ARMC5: variants seen among roughly 807,000 people sequenced by gnomAD.
ARMC5 encodes the protein armadillo repeat containing 5.
Under a neutral mutation model 60.5 loss-of-function variants are expected in ARMC5, and 28 were observed. That is an observed-to-expected ratio of 0.46 (90% CI 0.34 to 0.63). The LOEUF (loss-of-function observed/expected upper bound fraction) is 0.63, where lower values mean the gene tolerates loss of function less well. ARMC5 is among the 30% of genes least tolerant of loss of function. The pLI is 0.01. For missense variants in ARMC5, 1,189 were observed against 1,304.9 expected (o/e 0.91, Z 1.37); for synonymous variants, 680 against 607.3 (o/e 1.12, Z -1.76).
rs573753838 is a variant in ARMC5 at position 31,466,361 on chromosome 16, C to T, written c.2280C>T (p.Leu760=). ...LHFLLDSGLQ[L]PAQRAASATA... is the part of the protein sequence containing the mutation. ...TCCTGCTGGACTCAGGCCTCCAGCT[C>T]CCTGCCCAGCGAGCGGCCTCAGCCA... The change falls in exon 6 of 6, where the codon CTC becomes CTT. Residue 760 remains leucine (L), a synonymous_variant. Transcript: ENST00000268314. The surrounding 1 kb of genome is among the most constrained non-coding windows in gnomAD (Gnocchi z 8.0). The T allele has an allele frequency of 1.9e-6, 3 of 1,613,340 alleles. No homozygotes were observed. Among genetic ancestry groups the T allele is most frequent in the South Asian group, 1.1e-5 (1 of 91,078 alleles).
In ARMC5 at chr16:31,465,870, C is replaced by T. The variant is rs778930011; in HGVS notation, c.1885C>T (p.Leu629=). 1 of 1,609,694 alleles carries T rather than the reference C, an allele frequency of 6.2e-7. No homozygotes were observed. The highest frequency in any genetic ancestry group is 8.5e-7 in the Non-Finnish European group (1 of 1,179,850). The change falls in exon 5 of 6, where the codon CTG becomes TTG. Residue 629 remains leucine, a synonymous_variant. Coordinates refer to ENST00000268314, the MANE Select transcript of ARMC5 (RefSeq NM_001105247.2). The part of the protein sequence containing the change: ...RELGERLLQN[L]TVQAESPFGV... ...CACAGGGGAGAGGCTACTGCAGAAC[C>T]TGACGGTTCAGGCTGAGTCGCCCTT...
upstream of ARMC5, chr16:31,458,726 G>C (rs1204928492): frequency 6.8e-7 from 1 of 1,470,124 alleles, no homozygotes. Context: ...TCGCAATCCA[G>C]GGGTGACCTG....
Position 31,464,850 on chromosome 16 carries a change from T to A in ARMC5, c.1827T>A (p.Arg609=), listed in dbSNP as rs2082338740. The part of the protein sequence containing the change: ...GVAPDDWPAP[R]ARPTLHSRHR... Reference sequence around the variant, plus strand: ...CGCCTGACGATTGGCCGGCACCACGTGCCCGGCCCACTCTCCACAGCCGGC... The same window carrying A: ...CGCCTGACGATTGGCCGGCACCACGAGCCCGGCCCACTCTCCACAGCCGGC... Residue 609 remains arginine (R), a synonymous_variant, in exon 4 of 6, where the codon CGT becomes CGA. Coordinates refer to ENST00000268314, the MANE Select transcript of ARMC5 (RefSeq NM_001105247.2). The surrounding 1 kb of genome is among the most constrained non-coding windows in gnomAD (Gnocchi z 7.6). 6.3e-7 allele frequency: 1 copy of A among 1,598,692 alleles called. No homozygotes were observed. The highest frequency in any genetic ancestry group is 1.7e-5 in the Admixed American group (1 of 59,816).
rs1273504264 is a variant in ARMC5 at position 31,459,739 on chromosome 16, C to A, written c.215C>A (p.Ala72Glu). 3 of 1,548,576 alleles carry A rather than the reference C, an allele frequency of 1.9e-6. No individual in the cohort carries two copies. Among genetic ancestry groups the A allele is most frequent in the African/African-American group, 1.4e-5 (1 of 71,386 alleles). The stretch of plus-strand genomic sequence containing the variant: ...CGCGGCGGGCTCCGCCCCCTACTCG[C>A]GCTGCTACGGCGAGCGGCTGCAGCG... ...RARGGLRPLL[A>E]LLRRAAAAGS... is the part of the protein sequence containing the mutation. The change falls in exon 1 of 6, where the codon GCG (alanine) becomes GAG (glutamate). Residue 72 changes from alanine to glutamate, a missense_variant. Ala to Glu is a moderately radical substitution (Grantham distance 107). Coordinates refer to ENST00000268314, the MANE Select transcript of ARMC5 (RefSeq NM_001105247.2).
chr16:31,464,705 C>T lies in ARMC5; in HGVS notation c.1682C>T (p.Pro561Leu), dbSNP rs770381923. 38 of 1,598,606 alleles carry T rather than the reference C, an allele frequency of 2.4e-5. No homozygotes were observed. The highest frequency in any genetic ancestry group is 3.3e-4 in the Middle Eastern group (2 of 6,076). ...ACCTATGTGACCGGCGCACCGGGCCCGCCCAGCCCACGTGCACTGCGCATT... is the reference window on the plus strand; with the variant it reads ...ACCTATGTGACCGGCGCACCGGGCCTGCCCAGCCCACGTGCACTGCGCATT... ...LLTYVTGAPGPPSPRALRILS... is the reference protein window; with the variant it reads ...LLTYVTGAPGLPSPRALRILS... The change falls in exon 4 of 6, where the codon CCG (proline) becomes CTG (leucine). Residue 561 changes from proline (P) to leucine (L), a missense_variant. Transcript: ENST00000268314. This position sits in a 1 kb window ranked among gnomAD's most constrained non-coding sequence, Gnocchi z 7.6.
chr16:31,458,500 C>T, upstream of ARMC5: 1 of 1,535,676 alleles, frequency 6.5e-7, no homozygotes, highest in East Asian at 2.4e-5. Flanking sequence ...ACCCGGACAA[C>T]GGTAAGGCTT....
upstream of ARMC5, chr16:31,458,893 G>A (rs556653862): frequency 2.1e-5 from 32 of 1,535,660 alleles, no homozygotes; most frequent in African/African-American, 4.1e-4. Flanking sequence ...CAGAGCGGAG[G>A]ACACTCGGGA....
chr16:31,458,860 G>C, upstream of ARMC5: 2 of 1,535,318 alleles, frequency 1.3e-6, no homozygotes, highest in East Asian at 2.4e-5. Context: ...CTAGATGCCA[G>C]CTCCTGAGCT....
chr16:31,462,194 T>C lies in ARMC5; in HGVS notation c.647T>C (p.Val216Ala). 1 of 1,612,074 alleles carries C rather than the reference T, an allele frequency of 6.2e-7. No individual in the cohort carries two copies. The highest frequency in any genetic ancestry group is 8.5e-7 in the Non-Finnish European group (1 of 1,180,004). ...ACQDSQCLQS[V>A]VRALRNLADS... ...CAGGACTCGCAGTGCCTACAGAGCG[T>C]GGTGCGTGCCCTCCGTAACCTGGCA... The change falls in exon 3 of 6, where the codon GTG (valine) becomes GCG (alanine). Residue 216 changes from valine (V) to alanine (A), a missense_variant. This residue lies in a region of ARMC5 where 862 missense variants were observed against 1,071.2 expected (regional missense o/e 0.80). Coordinates refer to ENST00000268314, the MANE Select transcript of ARMC5 (RefSeq NM_001105247.2). The surrounding 1 kb of genome is among the most constrained non-coding windows in gnomAD (Gnocchi z 7.2).
chr16:31,459,059 C>T (rs1263564739), upstream of ARMC5: 1 of 1,502,878 alleles, frequency 6.7e-7, no homozygotes, highest in African/African-American at 1.4e-5. Flanking sequence ...TTCGGCCCGG[C>T]TCGGGGTTCT....
chr16:31,458,716 T>A, upstream of ARMC5: 1 of 1,456,988 alleles, frequency 6.9e-7, no homozygotes, highest in South Asian at 1.4e-5. Flanking sequence ...CGGAGCCACC[T>A]CGCAATCCAG....
At position 31,461,945 on chromosome 16, in the gene ARMC5, A is replaced by G. The variant is rs1596602098; in HGVS notation, c.499A>G (p.Thr167Ala). The G allele has an allele frequency of 1.2e-6, 2 of 1,614,210 alleles. No individual in the cohort carries two copies. Among genetic ancestry groups the G allele is most frequent in the Middle Eastern group, 3.3e-4 (2 of 6,062 alleles). The change falls in exon 2 of 6, where the codon ACA (threonine) becomes GCA (alanine). Residue 167 changes from threonine to alanine, a missense_variant. This residue lies in a region of ARMC5 where 862 missense variants were observed against 1,071.2 expected (regional missense o/e 0.80). Coordinates refer to ENST00000268314, the MANE Select transcript of ARMC5 (RefSeq NM_001105247.2). Reference protein sequence around the residue: ...PLVTILQCMKTDSIQNRTARA... With the variant: ...PLVTILQCMKADSIQNRTARA... Reference sequence around the variant, plus strand: ...AGTGACCATTCTTCAGTGCATGAAGACAGACAGCATCCAGAACCGAACGGC... The same window carrying G: ...AGTGACCATTCTTCAGTGCATGAAGGCAGACAGCATCCAGAACCGAACGGC...
At position 31,462,095 on chromosome 16, in the gene ARMC5, T is replaced by A; in HGVS notation, c.584-36T>A. 6.2e-7 allele frequency: 1 copy of A among 1,613,054 alleles called. No homozygotes were observed. Among genetic ancestry groups the A allele is most frequent in the Non-Finnish European group, 8.5e-7 (1 of 1,179,340 alleles). Reference sequence around the variant, plus strand: ...AGAAGAAAGGCTTGAGTGTCTGTCCTTGTTCACCCTCTGTGCTCCCCTTTC... The same window carrying A: ...AGAAGAAAGGCTTGAGTGTCTGTCCATGTTCACCCTCTGTGCTCCCCTTTC... On this transcript the variant is annotated intron_variant, in intron 2 of 5. Coordinates refer to ENST00000268314, the MANE Select transcript of ARMC5 (RefSeq NM_001105247.2). The surrounding 1 kb of genome is among the most constrained non-coding windows in gnomAD (Gnocchi z 7.2).
Position 31,466,372 on chromosome 16 carries a change from G to A in ARMC5, c.2291G>A (p.Arg764Gln), listed in dbSNP as rs267604528. The A allele has an allele frequency of 3.7e-6, 6 of 1,612,924 alleles. No homozygotes were observed. Among genetic ancestry groups the A allele is most frequent in the South Asian group, 2.2e-5 (2 of 91,070 alleles). Residue 764 changes from arginine to glutamine, a missense_variant, in exon 6 of 6, where the codon CGA (arginine) becomes CAA (glutamine). Arg to Gln is a conservative substitution (Grantham distance 43). Around this residue, in one of 2 missense-constraint regions of ARMC5, gnomAD observed 862 missense variants for 1,071.2 expected, o/e 0.80. Transcript: ENST00000268314. This position sits in a 1 kb window ranked among gnomAD's most constrained non-coding sequence, Gnocchi z 8.0. ...TCAGGCCTCCAGCTCCCTGCCCAGC[G>A]AGCGGCCTCAGCCACCGCCTCCCCT... Reference protein sequence around the residue: ...LDSGLQLPAQRAASATASPFF... With the variant: ...LDSGLQLPAQQAASATASPFF...
In ARMC5 at chr16:31,464,254, C is replaced by A; in HGVS notation, c.1371-140C>A. 1.4e-6 allele frequency: 1 copy of A among 708,418 alleles called. No individual in the cohort carries two copies. Among genetic ancestry groups the A allele is most frequent in the Non-Finnish European group, 2.1e-6 (1 of 480,518 alleles). The allele number at this position is 708,418 out of a possible 1,614,324, so 43.9% of individuals were successfully genotyped here. A position where few individuals can be genotyped will look rare whatever the true frequency, so the allele number is the denominator to read the frequency against. On this transcript the variant is annotated intron_variant, in intron 3 of 5. Coordinates refer to ENST00000268314, the MANE Select transcript of ARMC5 (RefSeq NM_001105247.2). This position sits in a 1 kb window ranked among gnomAD's most constrained non-coding sequence, Gnocchi z 7.6. ...GCAGTGAGCTAGGATCCCACAACTGCATTCCAGCCTGGGCTATAGAGGGAT... is the reference window on the plus strand; with the variant it reads ...GCAGTGAGCTAGGATCCCACAACTGAATTCCAGCCTGGGCTATAGAGGGAT...
Position 31,466,407 on chromosome 16 carries a change from G to A in ARMC5, c.2326G>A (p.Ala776Thr), listed in dbSNP as rs190720368. The change falls in exon 6 of 6, where the codon GCC becomes ACC. Residue 776 changes from alanine to threonine, a missense_variant. Transcript: ENST00000268314. This position sits in a 1 kb window ranked among gnomAD's most constrained non-coding sequence, Gnocchi z 8.0. ...ASATASPFFR[A>T]LLSGSFAEAQ... ...AGCCACCGCCTCCCCTTTCTTCCGGGCCCTGCTGTCAGGCAGCTTTGCAGA... is the reference window on the plus strand; with the variant it reads ...AGCCACCGCCTCCCCTTTCTTCCGGACCCTGCTGTCAGGCAGCTTTGCAGA... 208 of 1,612,218 alleles carry A rather than the reference G, an allele frequency of 1.3e-4. 3 individuals carry two copies. The East Asian group carries it at 2.2e-3, about 17-fold the overall frequency.
intron 3 of ARMC5, among the ~76,000 whole-genome samples, chr16:31,463,708 C>G (rs957610689): frequency 1.3e-5 from 2 of 152,062 alleles, no homozygotes; most frequent in African/African-American, 2.4e-5. Flanking sequence ...ATGCCCAGCC[C>G]CCAGCGCTTC....
chr16:31,464,330 T>A lies in ARMC5; in HGVS notation c.1371-64T>A. The A allele has an allele frequency of 1.2e-4, 108 of 875,292 alleles. No homozygotes were observed. Among genetic ancestry groups the A allele is most frequent in the Middle Eastern group, 2.7e-4 (1 of 3,664 alleles). 54.2% of individuals were successfully genotyped at this position (875,292 alleles called of 1,614,324 possible). A position where few individuals can be genotyped will look rare whatever the true frequency, so the allele number is the denominator to read the frequency against. On this transcript the variant is annotated intron_variant, in intron 3 of 5. Coordinates refer to ENST00000268314, the MANE Select transcript of ARMC5 (RefSeq NM_001105247.2). The surrounding 1 kb of genome is among the most constrained non-coding windows in gnomAD (Gnocchi z 7.6). ...AAAAAAAAAAAAGACGCCTCACGCC[T>A]CTTGGACTCTGCCCCTTAACCTTGG...
chr16:31,462,542 G>A lies in ARMC5; in HGVS notation c.995G>A (p.Arg332Gln), dbSNP rs1037784138. The change falls in exon 3 of 6, where the codon CGG becomes CAG. Residue 332 changes from arginine (R) to glutamine (Q), a missense_variant. Arg to Gln is a conservative substitution (Grantham distance 43, BLOSUM62 1). Coordinates refer to ENST00000268314, the MANE Select transcript of ARMC5 (RefSeq NM_001105247.2). The surrounding 1 kb of genome is among the most constrained non-coding windows in gnomAD (Gnocchi z 7.2). ...GGVEVLVDEL[R>Q]QRRDPNGASP... Reference sequence around the variant, plus strand: ...GTGGAGGTGCTGGTAGATGAGCTCCGGCAGCGCCGGGATCCTAATGGAGCT... The same window carrying A: ...GTGGAGGTGCTGGTAGATGAGCTCCAGCAGCGCCGGGATCCTAATGGAGCT... The A allele has an allele frequency of 4.3e-6, 7 of 1,610,628 alleles. No individual in the cohort carries two copies. Among genetic ancestry groups the A allele is most frequent in the South Asian group, 2.2e-5 (2 of 91,054 alleles).
Sources: gnomAD v4.1 joint callset for allele counts (sites outside exome capture counted in the v4.1 genomes callset) on GRCh38, gnomAD v4.1.1 for gene constraint, gnomAD v4.1.1 regional missense constraint, Gnocchi (gnomAD v3.1) non-coding constraint, MANE v1.5 for transcripts, NCBI Gene and HGNC (gene_info 2026-07-23, HGNC 2026-07-21) for gene names.